The following UBE2D3 variants were observed in gnomAD, a reference collection of about 807,000 sequenced individuals.
UBE2D3 encodes ubiquitin-conjugating enzyme E2 D3.
A neutral mutation model predicts 22.8 loss-of-function variants in UBE2D3; 2 were observed. That is an observed-to-expected ratio of 0.09 (90% CI 0.04 to 0.28). The LOEUF (loss-of-function observed/expected upper bound fraction) is 0.28, where lower values mean the gene tolerates loss of function less well. UBE2D3 is among the 10% of genes least tolerant of loss of function. The pLI, the probability that UBE2D3 is intolerant of heterozygous loss-of-function variation, is 1.00. For synonymous variants in UBE2D3, 56 were observed against 60.4 expected (o/e 0.93, Z 0.34); for missense variants, 27 against 182.5 (o/e 0.15, Z 4.91).
intron 2 of UBE2D3, chr4:102,825,097 T>A (rs1235241178): frequency 3.4e-6 from 1 of 298,262 alleles, no homozygotes; most frequent in Non-Finnish European, 5.0e-6. Context: ...GAAACACCAA[T>A]CTTGCCAAAT....
chr4:102,851,388 T>C (rs1732340062), intron 1 of UBE2D3, among the ~76,000 whole-genome samples: 1 of 152,202 alleles, frequency 6.6e-6, no homozygotes. Flanking sequence ...TGAAAGACAG[T>C]GTAAAGGCAG....
intron 4 of UBE2D3, among the ~76,000 whole-genome samples, chr4:102,806,709 CT>C (rs1727104905): frequency 6.6e-6 from 1 of 152,106 alleles, no homozygotes; most frequent in South Asian, 2.1e-4. Flanking sequence ...TCTAAATCCA[CT>C]TTTTCTGGAT....
intron 2 of UBE2D3, among the ~76,000 whole-genome samples, chr4:102,826,105 G>C (rs1404792872): frequency 2.0e-5 from 3 of 151,998 alleles, no homozygotes; most frequent in Admixed American, 6.5e-5. Flanking sequence ...ACTAAACTAA[G>C]TTTTCAAGCA....
rs147773443 is a variant in UBE2D3 at position 102,795,696 on chromosome 4, T to C, written c.*1719A>G. ...CATGTCCAAACTACATATTAAAATGTTTATAAAAAGTAAGTTTTAACATTT... is the reference window on the plus strand; with the variant it reads ...CATGTCCAAACTACATATTAAAATGCTTATAAAAAGTAAGTTTTAACATTT... On this transcript the variant is annotated 3_prime_UTR_variant, in exon 8 of 8. Transcript: ENST00000453744. 6.6e-6 allele frequency: 1 copy of C among 152,192 alleles called. No homozygotes were observed. Among genetic ancestry groups the C allele is most frequent in the East Asian group, 1.9e-4 (1 of 5,192 alleles). 9.4% of individuals were successfully genotyped at this position (152,192 alleles called of 1,614,324 possible).
intron 2 of UBE2D3, among the ~76,000 whole-genome samples, chr4:102,815,109 T>C (rs1376986241): frequency 6.6e-6 from 1 of 152,090 alleles, no homozygotes; most frequent in Non-Finnish European, 1.5e-5. Flanking sequence ...AATGGCACAA[T>C]CTTGGCTCAC....
chr4:102,840,712 G>A (rs1273550723), intron 1 of UBE2D3, among the ~76,000 whole-genome samples: 2 of 152,166 alleles, frequency 1.3e-5, no homozygotes, highest in Non-Finnish European at 2.9e-5. Context: ...AAAGTAGCTA[G>A]GAGAGAAGAC....
In UBE2D3 at chr4:102,827,331, C is replaced by G. The variant is rs571135640; in HGVS notation, c.-129+96G>C. ...AACCCACCGCACCCAATAGGCTGGC[C>G]GCTCAAGCCGCCCAGGTCCCGCACT... On this transcript the variant is annotated intron_variant, in intron 1 of 7. Transcript: ENST00000453744. 2.7e-5 allele frequency: 26 copies of G among 975,806 alleles called. No individual in the cohort carries two copies. In the South Asian group the frequency reaches 1.0e-3, roughly 39 times the overall value. The allele number at this position is 975,806 out of a possible 1,614,324, so 60.4% of individuals were successfully genotyped here. A position where few individuals can be genotyped will look rare whatever the true frequency, so the allele number is the denominator to read the frequency against.
intron 1 of UBE2D3, among the ~76,000 whole-genome samples, chr4:102,852,443 T>C (rs982595869): frequency 2.6e-5 from 4 of 152,246 alleles, no homozygotes; most frequent in African/African-American, 7.2e-5. Context: ...CATTTACAAA[T>C]ATAAATATCC....
chr4:102,807,744 A>C (rs755346763), intron 4 of UBE2D3, among the ~76,000 whole-genome samples: 36 of 152,228 alleles, frequency 2.4e-4, no homozygotes, highest in Admixed American at 1.3e-4. Flanking sequence ...ACTGCTAAAA[A>C]ATCTGTCAGA....
At chr4:102,797,791 T>C (rs937431133) in intron 7 of UBE2D3, among the ~76,000 whole-genome samples, 1 of 152,026 alleles carries the variant, frequency 6.6e-6, no homozygotes, top group Admixed American at 6.6e-5. Flanking sequence ...TTACAGTTCA[T>C]TATGGACAAA....
chr4:102,863,455 C>G (rs1732997892), intron 1 of UBE2D3, among the ~76,000 whole-genome samples: 1 of 152,108 alleles, frequency 6.6e-6, no homozygotes. Context: ...CCCTATGACC[C>G]AAACACCTCC....
At chr4:102,800,957 T>A (rs982713856) in intron 6 of UBE2D3, among the ~76,000 whole-genome samples, 3 of 152,042 alleles carry the variant, frequency 2.0e-5, no homozygotes, top group Non-Finnish European at 4.4e-5. Flanking sequence ...TCGAAGATTA[T>A]ATAATTTTAG....
At chr4:102,814,236 T>A (rs886529834) in intron 2 of UBE2D3, among the ~76,000 whole-genome samples, 1 of 151,436 alleles carries the variant, frequency 6.6e-6, no homozygotes, top group Non-Finnish European at 1.5e-5. Flanking sequence ...CTGAACCAAA[T>A]CAGTATTTCA....
chr4:102,840,088 CAGAGTGG>C (rs1465803968), intron 1 of UBE2D3, among the ~76,000 whole-genome samples: 4 of 152,142 alleles, frequency 2.6e-5, no homozygotes, highest in Non-Finnish European at 4.4e-5. Flanking sequence ...TCACCTATGA[CAGAGTGG>C]TTATTACGAA....
intron 2 of UBE2D3, chr4:102,825,157 T>C (rs1441984809): frequency 8.7e-6 from 7 of 804,474 alleles, no homozygotes; most frequent in South Asian, 1.1e-4. Flanking sequence ...AGGTCTATTT[T>C]AGTAAAGGCA....
chr4:102,798,383 C>G (rs1382114827), intron 7 of UBE2D3, among the ~76,000 whole-genome samples: 1 of 149,810 alleles, frequency 6.7e-6, no homozygotes, highest in Non-Finnish European at 1.5e-5. Context: ...CTTTCCTAAA[C>G]TTTTTAAAAA....
In UBE2D3 at chr4:102,810,187, A is replaced by T. The variant is rs1369457322; in HGVS notation, c.25-332T>A. ...CCAGAGAGAGCTCAACATTCACGTT[A>T]TTTGTTGAACTTCCAAGACCACTTT... On this transcript the variant is annotated intron_variant, in intron 2 of 7. Transcript: ENST00000453744. The T allele has an allele frequency of 3.0e-5, 6 of 202,996 alleles. No individual in the cohort carries two copies. In the South Asian group the frequency reaches 5.0e-4, roughly 17 times the overall value. 12.6% of individuals were successfully genotyped at this position (202,996 alleles called of 1,614,324 possible).
chr4:102,854,151 T>A (rs1380183864), intron 1 of UBE2D3, among the ~76,000 whole-genome samples: 1 of 152,236 alleles, frequency 6.6e-6, no homozygotes, highest in East Asian at 1.9e-4. Context: ...TGATGTGAAT[T>A]TCTGAGTTCC....
At chr4:102,867,728 TAG>T in intron 1 of UBE2D3, among the ~76,000 whole-genome samples, 1 of 152,194 alleles carries the variant, frequency 6.6e-6, no homozygotes, top group South Asian at 2.1e-4. Flanking sequence ...AAGCCGGAGT[TAG>T]AGTCTGCGGT....
Sources: allele counts gnomAD v4.1 joint callset (sites outside exome capture counted in the v4.1 genomes callset), GRCh38; gene constraint gnomAD v4.1.1; transcripts MANE v1.5; gene names NCBI Gene and HGNC (gene_info 2026-07-23, HGNC 2026-07-21).